ATP6V0A1: variants seen among roughly 807,000 people sequenced by gnomAD.
The protein encoded by ATP6V0A1 is ATPase H+ transporting V0 subunit a1, also known as V-type proton ATPase 116 kDa subunit a 1.
ATP6V0A1 carries 43 observed loss-of-function variants against 105.4 expected under a neutral mutation model. The ratio of observed to expected loss-of-function variants is 0.41; its 90% confidence interval spans 0.32 to 0.53. ATP6V0A1 has a LOEUF of 0.53. Ranked by LOEUF, ATP6V0A1 falls within the 20% of genes least tolerant of loss-of-function variation. The probability of loss-of-function intolerance (pLI) is 0.30; values close to 1 mark genes in which losing one functional copy is unlikely to be tolerated. For synonymous variants in ATP6V0A1, 362 were observed against 372.8 expected, an observed-to-expected ratio of 0.97 and a Z score of 0.33; for missense variants, 676 against 1,051.1, an observed-to-expected ratio of 0.64 and a Z score of 4.93.
chr17:42,516,717 G>A (rs1426255500), intron 21 of ATP6V0A1, among the ~76,000 whole-genome samples: 1 of 152,192 alleles, frequency 6.6e-6, no homozygotes, highest in Non-Finnish European at 1.5e-5. Flanking sequence ...TCATTTTGTT[G>A]CCAGAAGATT....
At chr17:42,469,792 G>A (rs559360854) in intron 4 of ATP6V0A1, among the ~76,000 whole-genome samples, 24 of 152,144 alleles carry the variant, frequency 1.6e-4, no homozygotes, top group African/African-American at 4.3e-4. Context: ...ACAGTCATGC[G>A]CCAGCACGCC....
intron 15 of ATP6V0A1, among the ~76,000 whole-genome samples, chr17:42,499,933 C>A (rs1427540967): frequency 3.3e-5 from 5 of 151,700 alleles, no homozygotes. Flanking sequence ...ATGTGCAACT[C>A]ACATAAAATT....
At position 42,466,425 on chromosome 17, in the gene ATP6V0A1, T is replaced by C; in HGVS notation, c.118-4T>C. The stretch of plus-strand genomic sequence containing the variant: ...ATGTTTGGTATTGTGTTTTTATTTT[T>C]CAGTTAAATCCAGATGTGAATGTTT... On this transcript the variant is annotated splice_region_variant and splice_polypyrimidine_tract_variant and intron_variant, in intron 2 of 21. Coordinates refer to ENST00000343619, the MANE Select transcript of ATP6V0A1 (RefSeq NM_001130021.3). The C allele has an allele frequency of 3.7e-6, 6 of 1,605,446 alleles. No individual in the cohort carries two copies. The highest frequency in any genetic ancestry group is 5.1e-6 in the Non-Finnish European group (6 of 1,172,368).
Position 42,513,994 on chromosome 17 carries a change from C to T in ATP6V0A1, c.2248+16C>T, listed in dbSNP as rs771607518. 11 of 1,607,868 alleles carry T rather than the reference C, an allele frequency of 6.8e-6. No homozygotes were observed. Among genetic ancestry groups the T allele is most frequent in the East Asian group, 2.2e-5 (1 of 44,856 alleles). Reference sequence around the variant, plus strand: ...GCTCATGCGCGTGAGTACCTCTCTCCGGGCTCCGGAACTCTAGTTTCCCCC... The same window carrying T: ...GCTCATGCGCGTGAGTACCTCTCTCTGGGCTCCGGAACTCTAGTTTCCCCC... On this transcript the variant is annotated intron_variant, in intron 20 of 21. Transcript: ENST00000343619.
At chr17:42,484,092 C>T (rs1043823054) in intron 9 of ATP6V0A1, among the ~76,000 whole-genome samples, 32 of 152,096 alleles carry the variant, frequency 2.1e-4, no homozygotes, top group Non-Finnish European at 1.3e-4. Context: ...GACGGAGTCT[C>T]TGTCACCCAG....
At chr17:42,507,753 C>T (rs1007001471) in intron 18 of ATP6V0A1, 126 bp downstream of exon 18, 25 of 819,698 alleles carry the variant, frequency 3.0e-5, no homozygotes, top group East Asian at 5.6e-5. Context: ...TTCAGCCTGC[C>T]TTCTGGACCT....
intron 14 of ATP6V0A1, chr17:42,495,951 A>G: frequency 2.7e-6 from 1 of 370,226 alleles, no homozygotes. Flanking sequence ...GCATGCCTGT[A>G]GTCCCAGCTA....
At chr17:42,513,751 G>A in intron 19 of ATP6V0A1, 110 bp from the exon 20 acceptor site, 1 of 1,006,740 alleles carries the variant, frequency 9.9e-7, no homozygotes, top group Non-Finnish European at 1.5e-6. Context: ...CATGGGAAGT[G>A]CAGTCCCCTG....
chr17:42,508,238 A>G (rs2092146847), intron 18 of ATP6V0A1, among the ~76,000 whole-genome samples: 1 of 152,164 alleles, frequency 6.6e-6, no homozygotes, highest in African/African-American at 2.4e-5. Flanking sequence ...GAACTATTAA[A>G]TCTCATCTAC....
intron 15 of ATP6V0A1, among the ~76,000 whole-genome samples, chr17:42,500,250 G>A (rs558350947): frequency 5.3e-5 from 8 of 152,106 alleles, no homozygotes; most frequent in South Asian, 4.1e-4. Context: ...AGGCCAAGGC[G>A]GGCAGATCAC....
chr17:42,498,430 A>T (rs34877463), intron 14 of ATP6V0A1, among the ~76,000 whole-genome samples: 33 of 152,126 alleles, frequency 2.2e-4, no homozygotes, highest in Admixed American at 1.9e-3. Flanking sequence ...AAAAAAAAAA[A>T]TTTTGTCGAA....
intron 21 of ATP6V0A1, chr17:42,519,725 T>C (rs1449799298): frequency 6.6e-6 from 1 of 152,196 alleles, no homozygotes; most frequent in East Asian, 1.9e-4. Context: ...CTAACGTCAG[T>C]TGGAAGCTCT....
intron 2 of ATP6V0A1, among the ~76,000 whole-genome samples, chr17:42,461,528 A>G: frequency 6.6e-6 from 1 of 152,122 alleles, no homozygotes; most frequent in East Asian, 1.9e-4. Context: ...TAATCCTAAC[A>G]CTTTGGGAGG....
At chr17:42,478,772 G>A in intron 7 of ATP6V0A1, 183 bp downstream of exon 7, 7 of 443,976 alleles carry the variant, frequency 1.6e-5, no homozygotes, top group Non-Finnish European at 2.5e-5. Flanking sequence ...ACATATGGAT[G>A]TATGATGTAT....
intron 14 of ATP6V0A1, among the ~76,000 whole-genome samples, chr17:42,497,798 G>A: frequency 6.6e-6 from 1 of 152,034 alleles, no homozygotes; most frequent in Non-Finnish European, 1.5e-5. Context: ...AGCAATTTGG[G>A]AGGCCAAGGC....
rs1252915194 is a variant in ATP6V0A1 at position 42,501,205 on chromosome 17, T to C, written c.1905T>C (p.Ile635=). 5.0e-6 allele frequency: 8 copies of C among 1,612,876 alleles called. No homozygotes were observed. In the African/African-American group the frequency reaches 1.1e-4, roughly 22 times the overall value. Residue 635 remains isoleucine, a synonymous_variant, in exon 17 of 22, where the codon ATT becomes ATC. Transcript: ENST00000343619. ...YSMLYSGQKG[I]QCFLVVVALL... ...TTCTTCTTACTCTGCAGAAAGGAAT[T>C]CAGTGTTTCCTGGTAGTGGTTGCAC...
chr17:42,476,148 C>T (rs992902607), intron 5 of ATP6V0A1, among the ~76,000 whole-genome samples: 2 of 152,132 alleles, frequency 1.3e-5, no homozygotes, highest in African/African-American at 4.8e-5. Flanking sequence ...GAAAGAACCC[C>T]CTCAACTTAC....
chr17:42,469,532 G>A (rs185088288), intron 4 of ATP6V0A1, among the ~76,000 whole-genome samples: 4 of 151,146 alleles, frequency 2.6e-5, no homozygotes, highest in Admixed American at 2.6e-4. Context: ...ACGGGGTTTC[G>A]CCATGTTTGG....
At chr17:42,486,398 G>A (rs1031931881) in intron 9 of ATP6V0A1, among the ~76,000 whole-genome samples, 12 of 151,808 alleles carry the variant, frequency 7.9e-5, no homozygotes, top group South Asian at 6.3e-4. Context: ...GCCACAGAGC[G>A]AGACTCCATC....
Sources: gnomAD v4.1 joint callset for allele counts (sites outside exome capture counted in the v4.1 genomes callset) on GRCh38, gnomAD v4.1.1 for gene constraint, MANE v1.5 for transcripts, NCBI Gene and HGNC (gene_info 2026-07-23, HGNC 2026-07-21) for gene names.